Variants in ADAMTS14 observed in about 807,000 individuals in gnomAD.
ADAMTS14 encodes the protein A disintegrin and metalloproteinase with thrombospondin motifs 14.
A neutral mutation model predicts 128.6 loss-of-function variants in ADAMTS14; 100 were observed. That is an observed-to-expected ratio of 0.78 (90% confidence interval 0.66 to 0.92). The LOEUF is 0.92. Among genes scored for constraint, ADAMTS14 ranks in the 40% least tolerant of loss-of-function variants. The pLI is 0.00. For synonymous variants in ADAMTS14, 665 were observed against 653.8 expected (o/e 1.02, Z -0.26); for missense variants, 1,562 against 1,658.6 (o/e 0.94, Z 1.01).
intron 4 of ADAMTS14, among the ~76,000 whole-genome samples, chr10:70,713,581 G>T (rs918503287): frequency 6.6e-6 from 1 of 152,236 alleles, no homozygotes; most frequent in Non-Finnish European, 1.5e-5. Flanking sequence ...ATGGGAAACA[G>T]GAACAACCCA....
intron 2 of ADAMTS14, among the ~76,000 whole-genome samples, chr10:70,688,249 C>T (rs1481871011): frequency 3.1e-4 from 16 of 51,546 alleles, no homozygotes; most frequent in Non-Finnish European, 3.8e-4. Flanking sequence ...GGCAGAGGCG[C>T]TCCCCACATC....
intron 19 of ADAMTS14, among the ~76,000 whole-genome samples, chr10:70,757,465 G>A (rs1842503538): frequency 6.6e-6 from 1 of 152,160 alleles, no homozygotes; most frequent in Admixed American, 6.5e-5. Context: ...CAGGGGTGGG[G>A]GGTAGCAGAA....
intron 15 of ADAMTS14, chr10:70,745,554 G>T (rs1842153063): frequency 3.7e-6 from 2 of 534,056 alleles, no homozygotes; most frequent in Non-Finnish European, 6.7e-6. Context: ...CTGTACCCTG[G>T]GGGCAGTTTT....
rs61736607 is a variant in ADAMTS14 at position 70,760,498 on chromosome 10, C to T, written c.3317C>T (p.Pro1106Leu). 0.065 allele frequency: 104,948 copies of T among 1,613,940 alleles called. 4,081 individuals are homozygous for T. The highest frequency in any genetic ancestry group is 0.072 in the Non-Finnish European group (85,385 of 1,179,940). ...KASGPNPGPD[P>L]GPTSLPPFST... is the part of the protein sequence containing the mutation. ...TCGGGCCCCAACCCTGGCCCAGACC[C>T]TGGCCCAACCTCACTGCCCCCCTTC... Residue 1106 changes from proline to leucine, a missense_variant, in exon 22 of 22, where the codon CCT becomes CTT. Transcript: ENST00000373207.
intron 2 of ADAMTS14, among the ~76,000 whole-genome samples, chr10:70,698,361 C>T (rs1840394660): frequency 1.3e-5 from 2 of 152,254 alleles, no homozygotes; most frequent in East Asian, 3.9e-4. Flanking sequence ...AGGCAGAGAG[C>T]CAGAAAGTGC....
At chr10:70,737,184 C>T (rs950398362) in intron 10 of ADAMTS14, among the ~76,000 whole-genome samples, 1 of 152,140 alleles carries the variant, frequency 6.6e-6, no homozygotes, top group Non-Finnish European at 1.5e-5. Flanking sequence ...CTCTGTGTGT[C>T]CTGCCTACTC....
intron 19 of ADAMTS14, 37 bp downstream of exon 19, chr10:70,754,044 G>C (rs1008023228): frequency 2.7e-6 from 4 of 1,496,514 alleles, no homozygotes; most frequent in Non-Finnish European, 3.6e-6. Flanking sequence ...GGCTTGGGGA[G>C]GAGGTGGGTC....
chr10:70,675,732 C>T (rs1589252772), intron 2 of ADAMTS14, among the ~76,000 whole-genome samples: 1 of 152,202 alleles, frequency 6.6e-6, no homozygotes, highest in Admixed American at 6.5e-5. Context: ...GGCTGTCTTT[C>T]TCGCCCCCAC....
At position 70,758,268 on chromosome 10, in the gene ADAMTS14, T is replaced by C; in HGVS notation, c.3161T>C (p.Ile1054Thr). 6.2e-7 allele frequency: 1 copy of C among 1,614,130 alleles called. No individual in the cohort carries two copies. Among genetic ancestry groups the C allele is most frequent in the Non-Finnish European group, 8.5e-7 (1 of 1,179,984 alleles). ...WVPQSEPLHPINKISSTEPCT... is the reference protein window; with the variant it reads ...WVPQSEPLHPTNKISSTEPCT... ...CCACAATCTGAACCCCTACATCCCA[T>C]TAACAAGATATCATCAAGTAAGTAC... The change falls in exon 21 of 22, where the codon ATT becomes ACT. Residue 1054 changes from isoleucine (I) to threonine (T), a missense_variant. By Grantham distance (89) the Ile-to-Thr change is moderately conservative. Transcript: ENST00000373207.
chr10:70,683,707 C>T (rs1839878958), intron 2 of ADAMTS14, among the ~76,000 whole-genome samples: 1 of 152,234 alleles, frequency 6.6e-6, no homozygotes, highest in South Asian at 2.1e-4. Flanking sequence ...GCTGGTTCCT[C>T]CCCTGCCTGC....
chr10:70,744,488 G>T (rs1015137142), intron 14 of ADAMTS14, among the ~76,000 whole-genome samples: 1 of 152,224 alleles, frequency 6.6e-6, no homozygotes, highest in Non-Finnish European at 1.5e-5. Flanking sequence ...GGGACTATTG[G>T]TGGGTGGGAG....
Position 70,751,601 on chromosome 10 carries a change from T to C in ADAMTS14, c.2551T>C (p.Trp851Arg). 1 of 1,613,148 alleles carries C rather than the reference T, an allele frequency of 6.2e-7. No homozygotes were observed. Among genetic ancestry groups the C allele is most frequent in the Non-Finnish European group, 8.5e-7 (1 of 1,179,338 alleles). Reference sequence around the variant, plus strand: ...CCTGGAGGAGATGGACACCTATGAGTGGGCGCTCAAGAGCTGGGCCCCCTG... The same window carrying C: ...CCTGGAGGAGATGGACACCTATGAGCGGGCGCTCAAGAGCTGGGCCCCCTG... Reference protein sequence around the residue: ...VLLEEMDTYEWALKSWAPCSK... With the variant: ...VLLEEMDTYERALKSWAPCSK... The change falls in exon 17 of 22, where the codon TGG (tryptophan) becomes CGG (arginine). Residue 851 changes from tryptophan (W) to arginine (R), a missense_variant. Transcript: ENST00000373207.
chr10:70,730,257 A>G lies in ADAMTS14; in HGVS notation c.1102+8A>G, dbSNP rs1307923779. On this transcript the variant is annotated splice_region_variant and intron_variant, in intron 6 of 21. Transcript: ENST00000373207. ...AGGACTTTGGGCCCTCAGGTATGCAAGGTACTGTATTTGCCATGGCCAGGT... is the reference window on the plus strand; with the variant it reads ...AGGACTTTGGGCCCTCAGGTATGCAGGGTACTGTATTTGCCATGGCCAGGT... 1 of 1,613,224 alleles carries G rather than the reference A, an allele frequency of 6.2e-7. No homozygotes were observed. The highest frequency in any genetic ancestry group is 8.5e-7 in the Non-Finnish European group (1 of 1,179,462).
chr10:70,717,482 C>T (rs372098986), intron 4 of ADAMTS14, among the ~76,000 whole-genome samples: 1 of 152,006 alleles, frequency 6.6e-6, no homozygotes, highest in Admixed American at 6.6e-5. Context: ...CTAGGTGTGG[C>T]GGGATGGCTG....
At chr10:70,693,893 C>T (rs1016565253) in intron 2 of ADAMTS14, among the ~76,000 whole-genome samples, 1 of 152,206 alleles carries the variant, frequency 6.6e-6, no homozygotes, top group Non-Finnish European at 1.5e-5. Context: ...CTTGTTGTGG[C>T]AGCGCTGATG....
chr10:70,673,910 T>C (rs2132519530), intron 1 of ADAMTS14, among the ~76,000 whole-genome samples: 1 of 152,254 alleles, frequency 6.6e-6, no homozygotes, highest in East Asian at 1.9e-4. Context: ...CCCCTGTATA[T>C]CCTTTTATTT....
intron 16 of ADAMTS14, 74 bp from the exon 17 acceptor site, chr10:70,751,404 G>T: frequency 6.9e-7 from 1 of 1,451,798 alleles, no homozygotes; most frequent in Non-Finnish European, 9.5e-7. Context: ...CCTTCTCTTC[G>T]GCCCCTCCCC....
At chr10:70,698,382 C>G (rs1429581568) in intron 2 of ADAMTS14, among the ~76,000 whole-genome samples, 1 of 152,220 alleles carries the variant, frequency 6.6e-6, no homozygotes, top group African/African-American at 2.4e-5. Flanking sequence ...TCACTGCCAG[C>G]CAGTCTATGC....
chr10:70,728,975 C>T (rs529746608), intron 4 of ADAMTS14, among the ~76,000 whole-genome samples: 10 of 152,290 alleles, frequency 6.6e-5, no homozygotes, highest in South Asian at 6.2e-4. Flanking sequence ...GCTCTCCAGA[C>T]GTGGAAAGAT....
Sources: gnomAD v4.1 joint callset for allele counts (sites outside exome capture counted in the v4.1 genomes callset) on GRCh38, gnomAD v4.1.1 for gene constraint, MANE v1.5 for transcripts, NCBI Gene and HGNC (gene_info 2026-07-23, HGNC 2026-07-21) for gene names.